Variants in MAN2B2 observed in about 807,000 individuals in gnomAD.
The protein encoded by MAN2B2 is epididymis-specific alpha-mannosidase.
Under a neutral mutation model 117.1 loss-of-function variants are expected in MAN2B2, and 106 were observed. The observed-to-expected ratio is 0.90, with a 90% CI of 0.77 to 1.06. The LOEUF is 1.06. Among genes scored for constraint, MAN2B2 ranks in the 50% least tolerant of loss-of-function variants. MAN2B2 has a pLI of 0.00. For synonymous variants in MAN2B2, 544 were observed against 595.1 expected (o/e 0.91, Z 1.25); for missense variants, 1,326 against 1,381.4 (o/e 0.96, Z 0.64).
Position 6,594,666 on chromosome 4 carries a change from GC to G in MAN2B2, c.994del (p.Leu332CysfsTer37), listed in dbSNP as rs772378035. The G allele has an allele frequency of 6.8e-6, 11 of 1,613,278 alleles. No homozygotes were observed. The highest frequency in any genetic ancestry group is 3.3e-5 in the South Asian group (3 of 91,064). On this transcript the variant is annotated frameshift_variant, in exon 7 of 19. Coordinates refer to ENST00000285599, the MANE Select transcript of MAN2B2 (RefSeq NM_015274.3). LOFTEE classifies it high-confidence loss of function. ...TGCCACGCTGGGCGACTACTTCCGT[GC>G]CCTGCACGCTCTCAATGTCACCTGG... is the stretch of plus-strand genomic sequence containing the variant. ...QYATLGDYFR[A>X]LHALNVTWRV...
chr4:6,594,500 C>T lies in MAN2B2; in HGVS notation c.859-34C>T, dbSNP rs760009576. ...CCCCACTGGGCGAGCGCCCTGCTCC[C>T]ACGGCACAGGATGTTGCTCCCATGT... On this transcript the variant is annotated intron_variant, in intron 6 of 18. Coordinates refer to ENST00000285599, the MANE Select transcript of MAN2B2 (RefSeq NM_015274.3). The T allele has an allele frequency of 4.4e-6, 7 of 1,600,412 alleles. No individual in the cohort carries two copies. In the East Asian group the frequency reaches 1.3e-4, roughly 31 times the overall value.
chr4:6,618,765 T>C (rs1015909449), intron 17 of MAN2B2: 1 of 152,272 alleles, frequency 6.6e-6, no homozygotes, highest in Non-Finnish European at 1.5e-5. Flanking sequence ...TGTTTCTGCC[T>C]TGGGCCTCCT....
rs1161526165 is a variant in MAN2B2 at position 6,620,045 on chromosome 4, G to T, written c.2932+1G>T. ...AGGACGGGGCCTGGCCGCCACAGAGGTTTGGGGACCCCCGCTTCAGCTCCC... is the reference window on the plus strand; with the variant it reads ...AGGACGGGGCCTGGCCGCCACAGAGTTTTGGGGACCCCCGCTTCAGCTCCC... On this transcript the variant is annotated splice_donor_variant, in intron 18 of 18. Coordinates refer to ENST00000285599, the MANE Select transcript of MAN2B2 (RefSeq NM_015274.3). LOFTEE classifies it high-confidence loss of function. 4.3e-6 allele frequency: 7 copies of T among 1,609,256 alleles called. No homozygotes were observed. The Admixed American group carries it at 1.2e-4, about 27-fold the overall frequency.
chr4:6,595,811 G>A (rs1727054369), intron 7 of MAN2B2, among the ~76,000 whole-genome samples: 1 of 152,200 alleles, frequency 6.6e-6, no homozygotes, highest in African/African-American at 2.4e-5. Flanking sequence ...CCTGGGCACT[G>A]CCTTGACTCA....
intron 3 of MAN2B2, among the ~76,000 whole-genome samples, chr4:6,578,834 G>C (rs1393284711): frequency 1.3e-5 from 2 of 152,026 alleles, no homozygotes; most frequent in African/African-American, 2.4e-5. Flanking sequence ...GTTGTTGTGA[G>C]TATTAAATGG....
At chr4:6,602,062 G>T (rs1034952705) in intron 10 of MAN2B2, among the ~76,000 whole-genome samples, 1 of 152,188 alleles carries the variant, frequency 6.6e-6, no homozygotes, top group Non-Finnish European at 1.5e-5. Flanking sequence ...TCATGCACTC[G>T]GAGGCCTGCT....
chr4:6,613,912 C>T (rs985915929), intron 15 of MAN2B2, among the ~76,000 whole-genome samples: 5 of 152,094 alleles, frequency 3.3e-5, no homozygotes, highest in African/African-American at 9.7e-5. Context: ...CCTGAACTTG[C>T]CTTGTTATCT....
At chr4:6,616,090 C>G (rs1230136767) in intron 16 of MAN2B2, among the ~76,000 whole-genome samples, 1 of 152,178 alleles carries the variant, frequency 6.6e-6, no homozygotes, top group Non-Finnish European at 1.5e-5. Context: ...AGGTGTGAGC[C>G]ACCACACCCT....
At chr4:6,609,423 C>A in intron 12 of MAN2B2, 125 bp downstream of exon 12, 2 of 928,752 alleles carry the variant, frequency 2.2e-6, no homozygotes, top group Non-Finnish European at 3.2e-6. Context: ...GACACGTGGT[C>A]TGATGAAGAA....
chr4:6,588,418 C>T (rs1412368441), intron 4 of MAN2B2, among the ~76,000 whole-genome samples: 1 of 152,212 alleles, frequency 6.6e-6, no homozygotes, highest in Non-Finnish European at 1.5e-5. Context: ...AACTTGATTA[C>T]TTCTGTAAAG....
intron 2 of MAN2B2, among the ~76,000 whole-genome samples, chr4:6,577,693 G>A (rs555470586): frequency 1.8e-4 from 28 of 152,326 alleles, no homozygotes; most frequent in South Asian, 2.1e-4. Context: ...TCCTGTGAGC[G>A]TCCCATGCTT....
At position 6,617,687 on chromosome 4, in the gene MAN2B2, T is replaced by G. The variant is rs972683388; in HGVS notation, c.2814+195T>G. ...AACTGGCCTGGTTTTTTAGGGTTTT[T>G]TGTGTATATGTGAGACAGGATCTCA... On this transcript the variant is annotated intron_variant, in intron 17 of 18. Coordinates refer to ENST00000285599, the MANE Select transcript of MAN2B2 (RefSeq NM_015274.3). The G allele has an allele frequency of 4.7e-6, 5 of 1,065,020 alleles. No homozygotes were observed. The African/African-American group carries it at 8.0e-5, about 17-fold the overall frequency. 66.0% of individuals were successfully genotyped at this position (1,065,020 alleles called of 1,614,324 possible). A position where few individuals can be genotyped will look rare whatever the true frequency, so the allele number is the denominator to read the frequency against.
At chr4:6,609,633 G>T (rs1005995966) in intron 12 of MAN2B2, 165 bp from the exon 13 acceptor site, 2 of 866,994 alleles carry the variant, frequency 2.3e-6, no homozygotes, top group Non-Finnish European at 3.5e-6. Flanking sequence ...GCTCCCAGCC[G>T]CTCGGGGTCC....
intron 3 of MAN2B2, 97 bp from the exon 4 acceptor site, chr4:6,586,899 C>G (rs1277923488): frequency 5.1e-6 from 6 of 1,177,718 alleles, no homozygotes; most frequent in Non-Finnish European, 7.3e-6. Flanking sequence ...GCTGGCACTG[C>G]AACCCACTGG....
At chr4:6,600,011 C>G (rs1727261958) in intron 9 of MAN2B2, among the ~76,000 whole-genome samples, 1 of 152,212 alleles carries the variant, frequency 6.6e-6, no homozygotes. Flanking sequence ...AGGAAAGTGT[C>G]CCCAGCAGAG....
rs984345411 is a variant in MAN2B2 at position 6,613,947 on chromosome 4, C to G, written c.2564-271C>G. ...TTGAATAAGCTTTGTGCCCTCTGAGCTCTTTCCTCGTCTCTACTTTGAGAT... is the reference window on the plus strand; with the variant it reads ...TTGAATAAGCTTTGTGCCCTCTGAGGTCTTTCCTCGTCTCTACTTTGAGAT... On this transcript the variant is annotated intron_variant, in intron 15 of 18. Coordinates refer to ENST00000285599, the MANE Select transcript of MAN2B2 (RefSeq NM_015274.3). 9.2e-5 allele frequency among the ~76,000 whole-genome samples: 14 copies of G among 152,186 alleles called. No individual in the cohort carries two copies. In the East Asian group the frequency reaches 2.7e-3, roughly 29 times the overall value.
At chr4:6,607,697 G>A (rs1170913031) in intron 11 of MAN2B2, among the ~76,000 whole-genome samples, 1 of 152,196 alleles carries the variant, frequency 6.6e-6, no homozygotes, top group Admixed American at 6.5e-5. Context: ...GAACATTCAT[G>A]TACAAGTTTT....
intron 10 of MAN2B2, among the ~76,000 whole-genome samples, chr4:6,601,676 C>T (rs1365657807): frequency 6.6e-6 from 1 of 152,172 alleles, no homozygotes; most frequent in Non-Finnish European, 1.5e-5. Flanking sequence ...ACAGCATAAG[C>T]TCAGATAAGG....
intron 3 of MAN2B2, 148 bp downstream of exon 3, chr4:6,578,646 C>A: frequency 1.6e-6 from 1 of 638,644 alleles, no homozygotes; most frequent in Non-Finnish European, 2.7e-6. Flanking sequence ...TTTGCTAGTG[C>A]CATATTCATG....
Sources: gnomAD v4.1 joint callset for allele counts (sites outside exome capture counted in the v4.1 genomes callset) on GRCh38, gnomAD v4.1.1 for gene constraint, MANE v1.5 for transcripts, NCBI Gene and HGNC (gene_info 2026-07-23, HGNC 2026-07-21) for gene names.